The following PABPC4L variants were observed in gnomAD, a reference collection of about 807,000 sequenced individuals.
PABPC4L encodes the protein poly(A) binding protein cytoplasmic 4 like.
For synonymous variants in PABPC4L, 169 were observed against 164.1 expected (o/e 1.03, Z -0.23); for missense variants, 452 against 451.4 (o/e 1.00, Z -0.01).
the PABPC4L span, among the ~76,000 whole-genome samples, chr4:134,146,006 C>T: frequency 6.6e-6 from 1 of 151,870 alleles, no homozygotes; most frequent in Non-Finnish European, 1.5e-5. Flanking sequence ...ATGGACAAGT[C>T]AGTATCTATC....
the PABPC4L span, among the ~76,000 whole-genome samples, chr4:134,085,836 G>A: frequency 6.6e-6 from 1 of 152,020 alleles, no homozygotes; most frequent in Non-Finnish European, 1.5e-5. Context: ...TTCAGTTTGG[G>A]ACTATTGTGA....
At chr4:134,021,750 A>T in the PABPC4L span, among the ~76,000 whole-genome samples, 1 of 152,120 alleles carries the variant, frequency 6.6e-6, no homozygotes, top group Non-Finnish European at 1.5e-5. Flanking sequence ...GAGCCACCAT[A>T]TCATATTTAT....
the PABPC4L span, among the ~76,000 whole-genome samples, chr4:134,018,066 T>C: frequency 1.3e-5 from 2 of 152,186 alleles, no homozygotes; most frequent in East Asian, 1.9e-4. Flanking sequence ...ACTGATGACA[T>C]TCCACCACAA....
the PABPC4L span, among the ~76,000 whole-genome samples, chr4:134,120,577 CT>C: frequency 6.6e-6 from 1 of 150,886 alleles, no homozygotes; most frequent in South Asian, 2.1e-4. Flanking sequence ...TTTGAAACGT[CT>C]TTATTATAAC....
At chr4:134,073,895 T>C in the PABPC4L span, among the ~76,000 whole-genome samples, 1 of 152,120 alleles carries the variant, frequency 6.6e-6, no homozygotes, top group African/African-American at 2.4e-5. Context: ...GGGCACCATG[T>C]CCCGAGGCTG....
At chr4:134,148,472 A>G in the PABPC4L span, among the ~76,000 whole-genome samples, 9 of 152,222 alleles carry the variant, frequency 5.9e-5, no homozygotes, top group African/African-American at 1.9e-4. Context: ...CTTTATATCC[A>G]TCTTTTACTG....
chr4:134,081,892 G>A, the PABPC4L span, among the ~76,000 whole-genome samples: 11 of 152,062 alleles, frequency 7.2e-5, no homozygotes, highest in East Asian at 1.7e-3. Context: ...ATTCATCATC[G>A]GAATAGAATA....
chr4:133,997,425 T>C, the PABPC4L span, among the ~76,000 whole-genome samples: 1 of 152,208 alleles, frequency 6.6e-6, no homozygotes, highest in Non-Finnish European at 1.5e-5. Flanking sequence ...ATTAATATTT[T>C]CATGCCTGCT....
chr4:133,954,833 A>G, the PABPC4L span, among the ~76,000 whole-genome samples: 3 of 152,188 alleles, frequency 2.0e-5, no homozygotes, highest in Admixed American at 6.5e-5. Context: ...TAATCAAAGA[A>G]GTACATAGTG....
the PABPC4L span, among the ~76,000 whole-genome samples, chr4:134,060,595 C>A: frequency 0.014 from 2,077 of 151,968 alleles, 40 homozygotes; most frequent in African/African-American, 0.047. Context: ...GCATACCCTG[C>A]ACCAGAAGGG....
chr4:134,179,390 C>T, the PABPC4L span, among the ~76,000 whole-genome samples: 101 of 152,138 alleles, frequency 6.6e-4, no homozygotes, highest in African/African-American at 2.4e-3. Flanking sequence ...GAAGGGAGTG[C>T]TAAATATGGA....
chr4:134,136,764 G>A, the PABPC4L span, among the ~76,000 whole-genome samples: 1 of 152,046 alleles, frequency 6.6e-6, no homozygotes, highest in Non-Finnish European at 1.5e-5. Context: ...ACAGTGATTA[G>A]ATTTTTAGTG....
the PABPC4L span, among the ~76,000 whole-genome samples, chr4:134,156,388 T>C: frequency 1.3e-5 from 2 of 151,914 alleles, no homozygotes; most frequent in African/African-American, 4.8e-5. Context: ...CTCTTAAATC[T>C]ACTGTCACTT....
the PABPC4L span, among the ~76,000 whole-genome samples, chr4:133,988,368 C>T: frequency 4.6e-5 from 7 of 152,152 alleles, no homozygotes; most frequent in Non-Finnish European, 8.8e-5. Context: ...TAGTTAATTC[C>T]TGGATACAAT....
At chr4:134,160,610 C>T in the PABPC4L span, among the ~76,000 whole-genome samples, 1,932 of 152,240 alleles carry the variant, frequency 0.013, 42 homozygotes, top group African/African-American at 0.041. Context: ...GATGTGGTGG[C>T]TCCTGTCTAT....
chr4:133,965,571 C>T, the PABPC4L span, among the ~76,000 whole-genome samples: 1 of 151,996 alleles, frequency 6.6e-6, no homozygotes, highest in Non-Finnish European at 1.5e-5. Context: ...AAACTACACT[C>T]TAAGGCCATA....
At chr4:134,127,033 G>GAC in the PABPC4L span, among the ~76,000 whole-genome samples, 2 of 151,990 alleles carry the variant, frequency 1.3e-5, no homozygotes, top group African/African-American at 4.8e-5. Flanking sequence ...CTGGTGACCT[G>GAC]TCTGACACAG....
chr4:134,137,925 C>T, the PABPC4L span, among the ~76,000 whole-genome samples: 2 of 151,744 alleles, frequency 1.3e-5, no homozygotes, highest in Admixed American at 6.6e-5. Context: ...TCCCAAATTA[C>T]TCACTTAACA....
the PABPC4L span, among the ~76,000 whole-genome samples, chr4:133,950,309 A>C: frequency 6.6e-6 from 1 of 152,118 alleles, no homozygotes; most frequent in African/African-American, 2.4e-5. Context: ...TGGATACTTT[A>C]GTCTCCCTTT....
Sources: allele counts gnomAD v4.1 joint callset (sites outside exome capture counted in the v4.1 genomes callset), GRCh38; gene constraint gnomAD v4.1.1; transcripts MANE v1.5; gene names NCBI Gene and HGNC (gene_info 2026-07-23, HGNC 2026-07-21).